DLGAP2: variants seen among roughly 807,000 people sequenced by gnomAD.
The protein encoded by DLGAP2 is disks large-associated protein 2.
DLGAP2 carries 26 observed loss-of-function variants against 100.3 expected under a neutral mutation model. That is an observed-to-expected ratio of 0.26 (90% CI 0.19 to 0.36). The LOEUF is 0.36. DLGAP2 is among the 10% of genes least tolerant of loss of function. The probability of loss-of-function intolerance (pLI) is 1.00; values close to 1 mark genes in which losing one functional copy is unlikely to be tolerated. For missense variants in DLGAP2, 1,858 were observed against 1,453.2 expected, an observed-to-expected ratio of 1.28 and a Z score of -4.53; for synonymous variants, 886 against 630.1, an observed-to-expected ratio of 1.41 and a Z score of -6.08.
intron 2 of DLGAP2, among the ~76,000 whole-genome samples, chr8:954,718 A>G (rs1799557353): frequency 6.6e-6 from 1 of 152,196 alleles, no homozygotes; most frequent in Non-Finnish European, 1.5e-5. Context: ...ATAAAAATCA[A>G]GGGACTAATT....
At chr8:894,618 CAGCTGGCAGGGGTGGGGTGGGG>C (rs1798103543) in intron 1 of DLGAP2, among the ~76,000 whole-genome samples, 1 of 79,998 alleles carries the variant, frequency 1.3e-5, no homozygotes, top group African/African-American at 5.5e-5. Context: ...AGCAGAGTGA[CAGCTGGCAGGGGTGGGGTGGGG>C]AGAGTGGAGT....
chr8:810,177 G>C (rs1055916629), intron 1 of DLGAP2, among the ~76,000 whole-genome samples: 3 of 152,206 alleles, frequency 2.0e-5, no homozygotes, highest in African/African-American at 7.2e-5. Context: ...TTTCCACAGT[G>C]AATCTCATGC....
intron 3 of DLGAP2, among the ~76,000 whole-genome samples, chr8:1,340,092 A>T (rs1385482986): frequency 6.6e-6 from 1 of 152,196 alleles, no homozygotes; most frequent in Non-Finnish European, 1.5e-5. Context: ...AAATTAATTC[A>T]AGATGCATTG....
At chr8:1,606,970 C>T (rs151066079) in intron 6 of DLGAP2, among the ~76,000 whole-genome samples, 353 of 152,346 alleles carry the variant, frequency 2.3e-3, no homozygotes, top group African/African-American at 8.2e-3. Flanking sequence ...CAGGCGTGAG[C>T]CACAGCACCC....
intron 3 of DLGAP2, among the ~76,000 whole-genome samples, chr8:1,260,250 C>T (rs747649337): frequency 2.6e-5 from 4 of 152,068 alleles, no homozygotes; most frequent in Non-Finnish European, 1.5e-5. Flanking sequence ...CATTGCCATT[C>T]CCACCAGGGA....
intron 2 of DLGAP2, among the ~76,000 whole-genome samples, chr8:1,135,448 A>G (rs536395296): frequency 6.7e-6 from 1 of 150,196 alleles, no homozygotes; most frequent in African/African-American, 2.4e-5. Context: ...GGAACCACGC[A>G]GAGATAGTTA....
At chr8:1,468,265 C>T (rs560102931) in intron 3 of DLGAP2, among the ~76,000 whole-genome samples, 34 of 150,486 alleles carry the variant, frequency 2.3e-4, no homozygotes, top group African/African-American at 7.1e-4. Context: ...GTTCACACAG[C>T]GTAGATCCGG....
chr8:761,071 C>T (rs974993068), intron 1 of DLGAP2, among the ~76,000 whole-genome samples: 4 of 152,196 alleles, frequency 2.6e-5, no homozygotes, highest in South Asian at 2.1e-4. Context: ...TGCCGGGCGC[C>T]GTTCTGAACC....
chr8:1,456,674 G>T (rs998725923), intron 3 of DLGAP2, among the ~76,000 whole-genome samples: 1 of 152,142 alleles, frequency 6.6e-6, no homozygotes, highest in African/African-American at 2.4e-5. Context: ...GAGACCGATT[G>T]TTGAAGAGTT....
At chr8:817,105 C>T (rs1368409007) in intron 1 of DLGAP2, among the ~76,000 whole-genome samples, 2 of 147,044 alleles carry the variant, frequency 1.4e-5, no homozygotes, top group African/African-American at 2.5e-5. Context: ...CGCGCCGCTG[C>T]ACTCCAGCCT....
intron 2 of DLGAP2, among the ~76,000 whole-genome samples, chr8:1,064,272 C>T (rs1272501019): frequency 1.3e-5 from 2 of 152,190 alleles, no homozygotes; most frequent in Non-Finnish European, 2.9e-5. Context: ...TAAAACAAAA[C>T]TGGATAACCA....
chr8:1,549,124 A>G lies in DLGAP2; in HGVS notation c.671A>G (p.Glu224Gly). The G allele has an allele frequency of 6.3e-7, 1 of 1,589,516 alleles. No individual in the cohort carries two copies. The highest frequency in any genetic ancestry group is 8.5e-7 in the Non-Finnish European group (1 of 1,170,268). ...TCCGCGGCCGCCGAGCAGCGCAGCGAGAGCCCCGGGCGGATCCGCCACCTG... is the reference window on the plus strand; with the variant it reads ...TCCGCGGCCGCCGAGCAGCGCAGCGGGAGCCCCGGGCGGATCCGCCACCTG... ...RTSAAAEQRS[E>G]SPGRIRHLVH... is the part of the protein sequence containing the mutation. Residue 224 changes from glutamate (E) to glycine (G), a missense_variant, in exon 5 of 15, where the codon GAG (glutamate) becomes GGG (glycine). Transcript: ENST00000637795.
chr8:928,500 T>A (rs1798868315), intron 2 of DLGAP2, among the ~76,000 whole-genome samples: 1 of 152,190 alleles, frequency 6.6e-6, no homozygotes, highest in African/African-American at 2.4e-5. Context: ...TGTTTGATTC[T>A]TGTGGTGACA....
intron 2 of DLGAP2, among the ~76,000 whole-genome samples, chr8:1,123,066 T>A (rs1175731421): frequency 2.0e-5 from 3 of 152,250 alleles, no homozygotes; most frequent in African/African-American, 7.2e-5. Context: ...TATTCAAATG[T>A]ATTTGAAAAT....
chr8:1,265,174 G>T (rs1345666321), intron 3 of DLGAP2, among the ~76,000 whole-genome samples: 3 of 152,114 alleles, frequency 2.0e-5, no homozygotes, highest in African/African-American at 7.2e-5. Flanking sequence ...TAATAGACTT[G>T]CCTAGATATT....
chr8:1,486,487 C>CT (rs1191930319), intron 3 of DLGAP2, among the ~76,000 whole-genome samples: 30 of 152,168 alleles, frequency 2.0e-4, no homozygotes, highest in African/African-American at 5.8e-4. Context: ...AGTAGTTTGC[C>CT]TTGGAGAGGG....
At chr8:1,632,776 G>A (rs2130781000) in intron 7 of DLGAP2, 51 bp from the exon 8 acceptor site, 2 of 1,534,218 alleles carry the variant, frequency 1.3e-6, no homozygotes, top group Admixed American at 1.9e-5. Flanking sequence ...TCTGTAACGT[G>A]ATGGTGACCC....
At position 1,464,300 on chromosome 8, in the gene DLGAP2, G is replaced by A. The variant is rs1415687002; in HGVS notation, c.107-37066G>A. ...TTCCAGGACAACGCCCTTCCAGGAT[G>A]GCACCCTTCCAGGACAACGCCCTTC... On this transcript the variant is annotated intron_variant, in intron 3 of 14. Transcript: ENST00000637795. 1.1e-3 allele frequency among the ~76,000 whole-genome samples: 42 copies of A among 36,548 alleles called. 7 individuals are homozygous for A. The highest frequency in any genetic ancestry group is 4.1e-3 in the East Asian group (1 of 244). 24.0% of individuals were successfully genotyped at this position (36,548 alleles called of 152,430 possible). A position where few individuals can be genotyped will look rare whatever the true frequency, so the allele number is the denominator to read the frequency against.
At chr8:802,339 C>T (rs915067749) in intron 1 of DLGAP2, among the ~76,000 whole-genome samples, 1 of 152,278 alleles carries the variant, frequency 6.6e-6, no homozygotes, top group Admixed American at 6.5e-5. Context: ...CCGCGCTCCT[C>T]CTGGGTCCCC....
Sources: allele counts gnomAD v4.1 joint callset (sites outside exome capture counted in the v4.1 genomes callset), GRCh38; gene constraint gnomAD v4.1.1; transcripts MANE v1.5; gene names NCBI Gene and HGNC (gene_info 2026-07-23, HGNC 2026-07-21).